INPP5A: variants seen among roughly 807,000 people sequenced by gnomAD.
INPP5A encodes inositol polyphosphate-5-phosphatase A.
INPP5A carries 14 observed loss-of-function variants against 65.2 expected under a neutral mutation model. The observed-to-expected ratio is 0.21, with a 90% CI of 0.14 to 0.34. The LOEUF (loss-of-function observed/expected upper bound fraction) is 0.34. Among genes scored for constraint, INPP5A ranks in the 10% least tolerant of loss-of-function variants. The pLI, the probability that INPP5A is intolerant of heterozygous loss-of-function variation, is 1.00. For synonymous variants in INPP5A, 207 were observed against 208.3 expected (o/e 0.99, Z 0.05); for missense variants, 431 against 545.6 (o/e 0.79, Z 2.09).
intron 2 of INPP5A, among the ~76,000 whole-genome samples, chr10:132,639,310 T>C (rs1280622863): frequency 7.2e-6 from 1 of 139,574 alleles, no homozygotes; most frequent in African/African-American, 2.7e-5. Context: ...TGGGTTGACT[T>C]TTTTTTTTTT....
chr10:132,549,954 G>A lies in INPP5A; in HGVS notation c.75+11783G>A, dbSNP rs1251093186. Among the ~76,000 whole-genome samples the A allele has an allele frequency of 9.3e-4, 77 of 82,826 alleles. No homozygotes were observed. Among genetic ancestry groups the A allele is most frequent in the African/African-American group, 1.4e-3 (29 of 20,636 alleles). 54.3% of individuals were successfully genotyped at this position (82,826 alleles called of 152,430 possible). A position where few individuals can be genotyped will look rare whatever the true frequency, so the allele number is the denominator to read the frequency against. ...TGGGGTCAGCCTCGAGTTACTAACC[G>A]GGCATTAGGGGATGGGGTCAGCCTC... On this transcript the variant is annotated intron_variant, in intron 1 of 15. Transcript: ENST00000368594. This position sits in a 1 kb window ranked among gnomAD's most constrained non-coding sequence, Gnocchi z 4.9.
intron 4 of INPP5A, among the ~76,000 whole-genome samples, chr10:132,661,722 G>T (rs939031491): frequency 6.6e-6 from 1 of 152,054 alleles, no homozygotes; most frequent in Admixed American, 6.6e-5. Context: ...GAATTAGAAT[G>T]GGCCAAAACA....
intron 11 of INPP5A, among the ~76,000 whole-genome samples, chr10:132,756,205 G>A (rs1371732017): frequency 6.6e-6 from 1 of 152,184 alleles, no homozygotes; most frequent in Non-Finnish European, 1.5e-5. Context: ...GTGTGTGCGT[G>A]TACATGTGTG....
intron 2 of INPP5A, among the ~76,000 whole-genome samples, chr10:132,622,997 A>G (rs1176671392): frequency 6.8e-6 from 1 of 146,600 alleles, no homozygotes; most frequent in African/African-American, 2.5e-5. Flanking sequence ...GACGTGTTAG[A>G]ACTTGAGAAA....
intron 1 of INPP5A, among the ~76,000 whole-genome samples, chr10:132,606,284 TCAG>T (rs1310490434): frequency 6.6e-6 from 1 of 152,044 alleles, no homozygotes; most frequent in South Asian, 2.1e-4. Context: ...TGCCGGGTCC[TCAG>T]TGGCGGGACA....
chr10:132,685,425 CAG>C (rs1437816283), intron 4 of INPP5A, among the ~76,000 whole-genome samples: 1 of 152,266 alleles, frequency 6.6e-6, no homozygotes, highest in Non-Finnish European at 1.5e-5. Context: ...CTGTCTCGAG[CAG>C]AGTGTGTGCT....
At position 132,599,063 on chromosome 10, in the gene INPP5A, C is replaced by G. The variant is rs535047981; in HGVS notation, c.76-8852C>G. On this transcript the variant is annotated intron_variant, in intron 1 of 15. Transcript: ENST00000368594. The stretch of plus-strand genomic sequence containing the variant: ...GGGTGGGGACACAGCCAAACCATAT[C>G]ATTCCATCCCTGGCCCCTCCAAACC... Among the ~76,000 whole-genome samples the G allele has an allele frequency of 2.0e-5, 3 of 152,282 alleles. No individual in the cohort carries two copies. In the South Asian group the frequency reaches 6.2e-4, roughly 32 times the overall value.
intron 1 of INPP5A, among the ~76,000 whole-genome samples, chr10:132,559,546 A>G (rs1356584800): frequency 6.6e-6 from 1 of 152,140 alleles, no homozygotes; most frequent in Non-Finnish European, 1.5e-5. Flanking sequence ...GTCTCTGTGG[A>G]TTGACCTGGA....
chr10:132,544,137 C>T (rs1414693807), intron 1 of INPP5A, among the ~76,000 whole-genome samples: 1 of 152,262 alleles, frequency 6.6e-6, no homozygotes, highest in Non-Finnish European at 1.5e-5. Context: ...CTCAGGCTGG[C>T]CACCCTTCTC....
At chr10:132,764,645 AG>A (rs1846800891) in intron 11 of INPP5A, among the ~76,000 whole-genome samples, 1 of 114,864 alleles carries the variant, frequency 8.7e-6, no homozygotes, top group Non-Finnish European at 1.7e-5. Flanking sequence ...CCAGTCCTGC[AG>A]GGGTGGGAGG....
At chr10:132,641,341 C>CT (rs1178408819) in intron 2 of INPP5A, among the ~76,000 whole-genome samples, 1 of 152,232 alleles carries the variant, frequency 6.6e-6, no homozygotes, top group Non-Finnish European at 1.5e-5. Context: ...TGGATATAAA[C>CT]TTTCTTGTTG....
chr10:132,759,662 G>A (rs1338779176), intron 11 of INPP5A, among the ~76,000 whole-genome samples: 2 of 152,074 alleles, frequency 1.3e-5, no homozygotes, highest in Non-Finnish European at 1.5e-5. Context: ...GGGGGCTCTC[G>A]GGGGTCCGGC....
At chr10:132,605,914 T>C (rs1250227723) in intron 1 of INPP5A, among the ~76,000 whole-genome samples, 1 of 152,232 alleles carries the variant, frequency 6.6e-6, no homozygotes, top group Non-Finnish European at 1.5e-5. Flanking sequence ...TGTCTTTGTT[T>C]AGAGCACCGT....
intron 1 of INPP5A, among the ~76,000 whole-genome samples, chr10:132,581,584 C>T (rs751585813): frequency 4.6e-5 from 7 of 152,040 alleles, no homozygotes; most frequent in Non-Finnish European, 1.0e-4. Flanking sequence ...GCTCTTCTGG[C>T]GGGTGTGCAG....
intron 7 of INPP5A, 114 bp from the exon 8 acceptor site, chr10:132,710,223 C>T (rs1357620595): frequency 1.9e-5 from 25 of 1,291,022 alleles, no homozygotes; most frequent in Middle Eastern, 2.5e-4. Flanking sequence ...TCGGGTGGCT[C>T]CGCACGGCGG....
At chr10:132,577,726 C>T (rs1261307242) in intron 1 of INPP5A, among the ~76,000 whole-genome samples, 1 of 152,252 alleles carries the variant, frequency 6.6e-6, no homozygotes, top group Non-Finnish European at 1.5e-5. Context: ...GCCAGCATGC[C>T]TGTCTCAGGG....
chr10:132,637,162 C>T lies in INPP5A; in HGVS notation c.118-8706C>T, dbSNP rs145608247. 3.7e-4 allele frequency among the ~76,000 whole-genome samples: 57 copies of T among 152,236 alleles called. 1 individual carries two copies. The East Asian group carries it at 9.1e-3, about 24-fold the overall frequency. ...TGATCTCCTGACCTTGTGGTTGATC[C>T]GCCCGCTGCCTCGGCCTCCCAAAGT... On this transcript the variant is annotated intron_variant, in intron 2 of 15. Transcript: ENST00000368594. This position sits in a 1 kb window ranked among gnomAD's most constrained non-coding sequence, Gnocchi z 4.1.
chr10:132,738,785 G>A (rs901503432), intron 9 of INPP5A, among the ~76,000 whole-genome samples: 6 of 152,216 alleles, frequency 3.9e-5, no homozygotes, highest in African/African-American at 1.4e-4. Flanking sequence ...AGAGAGGAGG[G>A]AGGCCACTCG....
rs771034927 is a variant in INPP5A, at chr10:132,675,671, G to C, written c.307-14721G>C. 2.0e-5 allele frequency among the ~76,000 whole-genome samples: 3 copies of C among 152,216 alleles called. No homozygotes were observed. Among genetic ancestry groups the C allele is most frequent in the African/African-American group, 7.2e-5 (3 of 41,458 alleles). ...CGATCAGGGTCTGGAGGGAGCGTGT[G>C]CCCTTGGAATACTGCTGTTTTAGCA... On this transcript the variant is annotated intron_variant, in intron 4 of 15. Coordinates refer to ENST00000368594, the MANE Select transcript of INPP5A (RefSeq NM_005539.5). This position sits in a 1 kb window ranked among gnomAD's most constrained non-coding sequence, Gnocchi z 4.2.
Sources: gnomAD v4.1 joint callset for allele counts (sites outside exome capture counted in the v4.1 genomes callset) on GRCh38, gnomAD v4.1.1 for gene constraint, Gnocchi (gnomAD v3.1) non-coding constraint, MANE v1.5 for transcripts, NCBI Gene and HGNC (gene_info 2026-07-23, HGNC 2026-07-21) for gene names.